The following MINK1 variants were observed in gnomAD, a reference collection of about 807,000 sequenced individuals.
MINK1 encodes misshapen-like kinase 1.
In MINK1, 46 loss-of-function variants were observed where a neutral mutation model predicts 178.4. The ratio of observed to expected loss-of-function variants is 0.26; its 90% CI spans 0.20 to 0.33. The LOEUF (loss-of-function observed/expected upper bound fraction) is 0.33, where lower values mean the gene tolerates loss of function less well. MINK1 is among the 10% of genes least tolerant of loss of function. The pLI, the probability that MINK1 is intolerant of heterozygous loss-of-function variation, is 1.00. For missense variants in MINK1, 1,366 were observed against 1,814.9 expected (o/e 0.75, Z 4.49); for synonymous variants, 797 against 709.7 (o/e 1.12, Z -1.96).
At chr17:4,866,884 C>T (rs1915064352) in intron 1 of MINK1, among the ~76,000 whole-genome samples, 1 of 151,888 alleles carries the variant, frequency 6.6e-6, no homozygotes, top group South Asian at 2.1e-4. Context: ...CCATCCTGGC[C>T]AACGTGGTGA....
In MINK1 at chr17:4,896,638, G is replaced by A. The variant is rs779181950; in HGVS notation, c.3776-36G>A. 5 of 1,609,780 alleles carry A rather than the reference G, an allele frequency of 3.1e-6. No individual in the cohort carries two copies. The South Asian group carries it at 3.3e-5, about 11-fold the overall frequency. On this transcript the variant is annotated intron_variant, in intron 30 of 31. Transcript: ENST00000355280. This position sits in a 1 kb window ranked among gnomAD's most constrained non-coding sequence, Gnocchi z 4.6. ...CCACATGCCCCGAGGTGGCCCCGGG[G>A]TGCAGCCTGCTCAGCCCCTCACCTG...
At chr17:4,851,527 T>A (rs1489378428) in intron 1 of MINK1, among the ~76,000 whole-genome samples, 1 of 152,174 alleles carries the variant, frequency 6.6e-6, no homozygotes, top group Non-Finnish European at 1.5e-5. Context: ...TCTTTGGCCC[T>A]TCTCACCCAG....
intron 1 of MINK1, among the ~76,000 whole-genome samples, chr17:4,844,391 C>T (rs566802327): frequency 4.6e-5 from 7 of 152,208 alleles, no homozygotes; most frequent in Middle Eastern, 3.4e-3. Context: ...TTATCCATAA[C>T]GTTTCTTGGT....
At chr17:4,874,708 G>A (rs1359355004) in intron 1 of MINK1, among the ~76,000 whole-genome samples, 2 of 152,042 alleles carry the variant, frequency 1.3e-5, no homozygotes, top group African/African-American at 4.8e-5. Flanking sequence ...GGGTGGGGAG[G>A]GGGTGAGAGA....
Position 4,833,668 on chromosome 17 carries a change from C to T in MINK1, c.57+28C>T. ...GAGCGCGCCGTCCCCCAGCCTCGCC[C>T]TGGTTCCTGTCCCCGCCGCAGGGGA... On this transcript the variant is annotated intron_variant, in intron 1 of 31. Transcript: ENST00000355280. This position sits in a 1 kb window ranked among gnomAD's most constrained non-coding sequence, Gnocchi z 4.8. 1 of 1,478,324 alleles carries T rather than the reference C, an allele frequency of 6.8e-7. No individual in the cohort carries two copies. Among genetic ancestry groups the T allele is most frequent in the East Asian group, 2.9e-5 (1 of 34,390 alleles). The allele number at this position is 1,478,324 out of a possible 1,614,324, so 91.6% of individuals were successfully genotyped here. A position where few individuals can be genotyped will look rare whatever the true frequency, so the allele number is the denominator to read the frequency against.
chr17:4,893,452 G>C lies in MINK1; in HGVS notation c.2419G>C (p.Glu807Gln). Residue 807 changes from glutamate to glutamine, a missense_variant, in exon 21 of 32, where the codon GAG (glutamate) becomes CAG (glutamine). Glu to Gln is a conservative substitution (Grantham distance 29, BLOSUM62 2). Around this residue, in one of 14 missense-constraint regions of MINK1, gnomAD observed 709 missense variants for 692.3 expected, o/e 1.02. Transcript: ENST00000355280. ...GRPADFVLLK[E>Q]RTLDEAPRPP... ...CCTGCAGGACTTTGTGTTGCTGAAA[G>C]AGCGGACTCTGGACGAGGCCCCTCG... The C allele has an allele frequency of 6.3e-7, 1 of 1,594,290 alleles. No homozygotes were observed. Among genetic ancestry groups the C allele is most frequent in the Non-Finnish European group, 8.6e-7 (1 of 1,164,316 alleles).
chr17:4,859,393 AT>A, intron 1 of MINK1: 2 of 797,544 alleles, frequency 2.5e-6, no homozygotes, highest in African/African-American at 1.9e-5. Flanking sequence ...TACTCTTTAT[AT>A]TTTAGCATAT....
At chr17:4,862,524 G>A (rs763809538) in intron 1 of MINK1, among the ~76,000 whole-genome samples, 11 of 152,040 alleles carry the variant, frequency 7.2e-5, no homozygotes, top group Admixed American at 1.3e-4. Flanking sequence ...GCGTGGTGGC[G>A]GGCACCTGTA....
chr17:4,863,844 C>T (rs1234785941), intron 1 of MINK1, among the ~76,000 whole-genome samples: 1 of 151,984 alleles, frequency 6.6e-6, no homozygotes. Context: ...GGCTGGAGTG[C>T]GGTGGCGCAA....
At chr17:4,897,054 C>A in intron 31 of MINK1, 150 bp from the exon 32 acceptor site, 1 of 874,002 alleles carries the variant, frequency 1.1e-6, no homozygotes, top group Non-Finnish European at 1.8e-6. Flanking sequence ...GCCTGCCTTT[C>A]CTCCGGGTGA....
rs1969145168 is a variant in MINK1 at position 4,893,937 on chromosome 17, T to C, written c.2565-51T>C. On this transcript the variant is annotated intron_variant, in intron 21 of 31. Transcript: ENST00000355280. The stretch of plus-strand genomic sequence containing the variant: ...GGCTGCCATCTGCTGCCTTTGGCAC[T>C]TCTGTGGCCACGGGCAGGACCTGGA... 5 of 1,445,690 alleles carry C rather than the reference T, an allele frequency of 3.5e-6. No homozygotes were observed. The South Asian group carries it at 5.5e-5, about 16-fold the overall frequency. 89.6% of individuals were successfully genotyped at this position (1,445,690 alleles called of 1,614,324 possible). A position where few individuals can be genotyped will look rare whatever the true frequency, so the allele number is the denominator to read the frequency against.
At chr17:4,888,094 T>C (rs1022587991) in intron 12 of MINK1, among the ~76,000 whole-genome samples, 1 of 151,932 alleles carries the variant, frequency 6.6e-6, no homozygotes, top group African/African-American at 2.4e-5. Context: ...CGCATGCCTG[T>C]AATCCCAGCT....
At chr17:4,880,948 C>A in intron 2 of MINK1, 36 bp from the exon 3 acceptor site, 1 of 1,452,326 alleles carries the variant, frequency 6.9e-7, no homozygotes, top group South Asian at 1.4e-5. Flanking sequence ...TACGCTCCAC[C>A]CTCTGAGCAT....
At chr17:4,889,332 G>A (rs902038328) in intron 12 of MINK1, among the ~76,000 whole-genome samples, 1 of 152,176 alleles carries the variant, frequency 6.6e-6, no homozygotes, top group African/African-American at 2.4e-5. Context: ...GGAGTGCTGG[G>A]GAGGCTTGTT....
At position 4,892,737 on chromosome 17, in the gene MINK1, G is replaced by T; in HGVS notation, c.2280G>T (p.Gln760His). 1 of 1,611,816 alleles carries T rather than the reference G, an allele frequency of 6.2e-7. No individual in the cohort carries two copies. The highest frequency in any genetic ancestry group is 8.5e-7 in the Non-Finnish European group (1 of 1,179,448). ...CAGCCTCTCACGGGCACCTCCCCCA[G>T]GCTGGCTCACTGGAGCGGAACCGCG... is the stretch of plus-strand genomic sequence containing the variant. ...VLPASHGHLP[Q>H]AGSLERNRVG... Residue 760 changes from glutamine to histidine, a missense_variant, in exon 19 of 32, where the codon CAG becomes CAT. Gln to His is a conservative substitution (Grantham distance 24). Around this residue, in one of 14 missense-constraint regions of MINK1, gnomAD observed 709 missense variants for 692.3 expected, o/e 1.02. Transcript: ENST00000355280.
rs958396192 is a variant in MINK1 at position 4,896,829 on chromosome 17, C to T, written c.3915+16C>T. ...GAATGACAAGGTGGGAGGCTCCTTC[C>T]CTCTGAAAGCCCTGCTGTCCCGGCT... is the stretch of plus-strand genomic sequence containing the variant. On this transcript the variant is annotated intron_variant, in intron 31 of 31. Coordinates refer to ENST00000355280, the MANE Select transcript of MINK1 (RefSeq NM_153827.5). The surrounding 1 kb of genome is among the most constrained non-coding windows in gnomAD (Gnocchi z 4.6). 1.9e-6 allele frequency: 3 copies of T among 1,543,950 alleles called. No individual in the cohort carries two copies. Among genetic ancestry groups the T allele is most frequent in the Non-Finnish European group, 2.6e-6 (3 of 1,145,942 alleles).
At chr17:4,870,883 A>G (rs570280766) in intron 1 of MINK1, among the ~76,000 whole-genome samples, 1 of 152,186 alleles carries the variant, frequency 6.6e-6, no homozygotes, top group Non-Finnish European at 1.5e-5. Flanking sequence ...TGGTATACTC[A>G]CAGACTTATG....
Position 4,896,437 on chromosome 17 carries a change from C to G in MINK1, c.3624C>G (p.Ser1208Arg). Residue 1208 changes from serine (S) to arginine (R), a missense_variant, in exon 30 of 32, where the codon AGC (serine) becomes AGG (arginine). Transcript: ENST00000355280. This position sits in a 1 kb window ranked among gnomAD's most constrained non-coding sequence, Gnocchi z 4.6. ...CCCCTCCTTCTCCCCAGATCCAGAG[C>G]CAGATCACGCCCCATGCCATCATCT... ...YDIYIPVHIQ[S>R]QITPHAIIFL... The G allele has an allele frequency of 6.2e-7, 1 of 1,613,842 alleles. No individual in the cohort carries two copies. Among genetic ancestry groups the G allele is most frequent in the Non-Finnish European group, 8.5e-7 (1 of 1,179,786 alleles).
rs762195311 is a variant in MINK1 at position 4,889,771 on chromosome 17, G to C, written c.1347+8G>C. 14 of 1,523,080 alleles carry C rather than the reference G, an allele frequency of 9.2e-6. No homozygotes were observed. The South Asian group carries it at 1.7e-4, about 19-fold the overall frequency. The allele number at this position is 1,523,080 out of a possible 1,614,324, so 94.3% of individuals were successfully genotyped here. On this transcript the variant is annotated splice_region_variant and intron_variant, in intron 13 of 31. Transcript: ENST00000355280. ...CAGGCGGAGCGCGAGCAGGTAGAGCGCCGCACCCGCATCCCTGCCCTCCCG... is the reference window on the plus strand; with the variant it reads ...CAGGCGGAGCGCGAGCAGGTAGAGCCCCGCACCCGCATCCCTGCCCTCCCG...
Sources: gnomAD v4.1 joint callset for allele counts (sites outside exome capture counted in the v4.1 genomes callset) on GRCh38, gnomAD v4.1.1 for gene constraint, gnomAD v4.1.1 regional missense constraint, Gnocchi (gnomAD v3.1) non-coding constraint, MANE v1.5 for transcripts, NCBI Gene and HGNC (gene_info 2026-07-23, HGNC 2026-07-21) for gene names.